Variants in IHO1 observed in about 807,000 individuals in gnomAD.
IHO1 encodes the protein interactor of HORMAD1 protein 1.
A neutral mutation model predicts 31.0 loss-of-function variants in IHO1; 13 were observed. That is an observed-to-expected ratio of 0.42 (90% confidence interval 0.27 to 0.67). The LOEUF is 0.67. IHO1 is among the 30% of genes least tolerant of loss of function. The probability of loss-of-function intolerance (pLI) is 0.24; values close to 1 mark genes in which losing one functional copy is unlikely to be tolerated. For missense variants in IHO1, 599 were observed against 687.5 expected, an observed-to-expected ratio of 0.87 and a Z score of 1.44; for synonymous variants, 221 against 248.4, an observed-to-expected ratio of 0.89 and a Z score of 1.04.
chr3:49,214,607 CATATATAT>C (rs1311032715), intron 2 of IHO1, among the ~76,000 whole-genome samples: 6 of 24,788 alleles, frequency 2.4e-4, no homozygotes, highest in South Asian at 4.0e-3. Flanking sequence ...ATTTCTAGAT[CATATATAT>C]ATATATATAT....
chr3:49,226,300 G>T (rs1416089769), intron 2 of IHO1, among the ~76,000 whole-genome samples: 1 of 152,086 alleles, frequency 6.6e-6, no homozygotes, highest in Non-Finnish European at 1.5e-5. Flanking sequence ...GCTCACTTTT[G>T]GAACTTTCTC....
Position 49,206,449 on chromosome 3 carries a change from C to T in IHO1, c.-15-5317C>T, listed in dbSNP as rs1022131284. Among the ~76,000 whole-genome samples the T allele has an allele frequency of 5.3e-5, 8 of 151,366 alleles. No homozygotes were observed. In the East Asian group the frequency reaches 1.4e-3, roughly 26 times the overall value. On this transcript the variant is annotated intron_variant, in intron 1 of 7. Coordinates refer to ENST00000452691, the MANE Select transcript of IHO1 (RefSeq NM_001135197.2). ...TTCACCATGTTGGCCAGGCTGGTCT[C>T]GAACTCCTGACCTCAAGTGATCCAC...
At chr3:49,201,762 C>T (rs1283538167) in intron 1 of IHO1, among the ~76,000 whole-genome samples, 2 of 151,788 alleles carry the variant, frequency 1.3e-5, no homozygotes, top group African/African-American at 2.4e-5. Context: ...ACCAAAAATA[C>T]AAAAAATTAG....
chr3:49,198,288 C>A (rs541481525), upstream of IHO1: 7 of 152,326 alleles, frequency 4.6e-5, no homozygotes, highest in African/African-American at 1.7e-4. Context: ...TCTAACTAAT[C>A]TTCCCTGAAC....
intron 2 of IHO1, among the ~76,000 whole-genome samples, chr3:49,226,706 C>A (rs2046423175): frequency 6.6e-6 from 1 of 152,334 alleles, no homozygotes; most frequent in East Asian, 1.9e-4. Context: ...AAGCCGCATT[C>A]TTTTCATTAA....
intron 4 of IHO1, among the ~76,000 whole-genome samples, chr3:49,242,643 T>C (rs2046644633): frequency 6.6e-6 from 1 of 152,076 alleles, no homozygotes; most frequent in East Asian, 1.9e-4. Flanking sequence ...TATTTTAGAG[T>C]CTAGAATAGA....
At chr3:49,210,913 GTCTGGA>G (rs947122715) in intron 1 of IHO1, among the ~76,000 whole-genome samples, 1 of 150,620 alleles carries the variant, frequency 6.6e-6, no homozygotes, top group Non-Finnish European at 1.5e-5. Context: ...AGCCAGGATG[GTCTGGA>G]TCTCCTGACC....
At chr3:49,241,550 CACACACACACAG>C (rs1379779781) in intron 4 of IHO1, among the ~76,000 whole-genome samples, 161 bp downstream of exon 4, 1 of 151,974 alleles carries the variant, frequency 6.6e-6, no homozygotes, top group Non-Finnish European at 1.5e-5. Context: ...CACACACACA[CACACACACACAG>C]ACACACAAAC....
Position 49,257,528 on chromosome 3 carries a change from A to T in IHO1, c.*246A>T. The T allele has an allele frequency of 2.3e-6, 1 of 443,578 alleles. No individual in the cohort carries two copies. Among genetic ancestry groups the T allele is most frequent in the Admixed American group, 3.9e-5 (1 of 25,636 alleles). 27.5% of individuals were successfully genotyped at this position (443,578 alleles called of 1,614,324 possible). A position where few individuals can be genotyped will look rare whatever the true frequency, so the allele number is the denominator to read the frequency against. On this transcript the variant is annotated 3_prime_UTR_variant, in exon 8 of 8. Transcript: ENST00000452691. ...GTGAAAATGGTGCTGATGAAAACTG[A>T]GGCAGCAGCCTGGTTGTGGGGCATC... is the stretch of plus-strand genomic sequence containing the variant.
chr3:49,257,019 C>A lies in IHO1; in HGVS notation c.1522C>A (p.Pro508Thr). 6.2e-7 allele frequency: 1 copy of A among 1,614,140 alleles called. No homozygotes were observed. The highest frequency in any genetic ancestry group is 2.2e-5 in the East Asian group (1 of 44,884). The change falls in exon 8 of 8, where the codon CCC becomes ACC. Residue 508 changes from proline (P) to threonine (T), a missense_variant. Physicochemically the swap from Pro to Thr is conservative, Grantham distance 38. Coordinates refer to ENST00000452691, the MANE Select transcript of IHO1 (RefSeq NM_001135197.2). ...QPLHLQCPRS[P>T]RKPVCPILGG... Reference sequence around the variant, plus strand: ...TCTGCATCTGCAGTGTCCCAGGAGCCCCAGAAAACCAGTCTGCCCTATTCT... The same window carrying A: ...TCTGCATCTGCAGTGTCCCAGGAGCACCAGAAAACCAGTCTGCCCTATTCT...
chr3:49,249,814 C>A (rs185525993), intron 6 of IHO1, among the ~76,000 whole-genome samples: 2 of 152,236 alleles, frequency 1.3e-5, no homozygotes, highest in Admixed American at 1.3e-4. Context: ...TCATCTTATA[C>A]AAGGAGGCTG....
intron 6 of IHO1, among the ~76,000 whole-genome samples, chr3:49,251,687 T>G (rs2046761598): frequency 6.6e-6 from 1 of 151,160 alleles, no homozygotes; most frequent in Admixed American, 6.6e-5. Context: ...CCGCAACCTC[T>G]GCCTCCCGGG....
At chr3:49,218,091 A>G (rs970101640) in intron 2 of IHO1, among the ~76,000 whole-genome samples, 1 of 151,796 alleles carries the variant, frequency 6.6e-6, no homozygotes, top group Non-Finnish European at 1.5e-5. Context: ...TTACTCTCAC[A>G]CTCTCCGCCC....
chr3:49,233,821 T>C (rs2046512233), intron 2 of IHO1, among the ~76,000 whole-genome samples: 1 of 152,278 alleles, frequency 6.6e-6, no homozygotes, highest in Non-Finnish European at 1.5e-5. Flanking sequence ...TTTACCAGAA[T>C]GAGGGCAAGG....
intron 2 of IHO1, among the ~76,000 whole-genome samples, chr3:49,212,862 G>C (rs1387510755): frequency 6.6e-6 from 1 of 152,228 alleles, no homozygotes; most frequent in Non-Finnish European, 1.5e-5. Flanking sequence ...CCGCAGTGTG[G>C]AAGAGGATCG....
chr3:49,191,730 A>G, the IHO1 span: 34 of 1,593,778 alleles, frequency 2.1e-5, no homozygotes, highest in African/African-American at 3.1e-4. Flanking sequence ...GGATTAACAT[A>G]AAGTGCACTC....
At chr3:49,197,313 T>C (rs1228809852), upstream of IHO1, among the ~76,000 whole-genome samples, 1 of 151,614 alleles carries the variant, frequency 6.6e-6, no homozygotes, top group Non-Finnish European at 1.5e-5. Context: ...AAAAAATGTG[T>C]TTTAGACAGT....
intron 3 of IHO1, 65 bp from the exon 4 acceptor site, chr3:49,241,161 A>G: frequency 1.5e-6 from 2 of 1,361,608 alleles, no homozygotes; most frequent in Non-Finnish European, 2.0e-6. Context: ...TGCATTGTAC[A>G]GAAAATAGTG....
chr3:49,224,858 A>G (rs2046399618), intron 2 of IHO1, among the ~76,000 whole-genome samples: 2 of 151,960 alleles, frequency 1.3e-5, no homozygotes, highest in African/African-American at 4.8e-5. Context: ...CTACGCATGT[A>G]TGTATTTGAA....
Sources: allele counts gnomAD v4.1 joint callset (sites outside exome capture counted in the v4.1 genomes callset), GRCh38; gene constraint gnomAD v4.1.1; transcripts MANE v1.5; gene names NCBI Gene and HGNC (gene_info 2026-07-23, HGNC 2026-07-21).